ADAM22: variants seen among roughly 807,000 people sequenced by gnomAD.
ADAM22 encodes the protein ADAM metallopeptidase domain 22.
A neutral mutation model predicts 144.6 loss-of-function variants in ADAM22; 65 were observed. The observed-to-expected ratio is 0.45, with a 90% CI of 0.37 to 0.55. The LOEUF (loss-of-function observed/expected upper bound fraction) is 0.55, where lower values mean the gene tolerates loss of function less well. Ranked by LOEUF, ADAM22 falls within the 20% of genes least tolerant of loss-of-function variation. ADAM22 has a pLI of 0.00. For synonymous variants in ADAM22, 391 were observed against 412.6 expected, an observed-to-expected ratio of 0.95 and a Z score of 0.63; for missense variants, 974 against 1,184.9, an observed-to-expected ratio of 0.82 and a Z score of 2.61.
Position 88,178,982 on chromosome 7 carries a change from C to G in ADAM22, c.2348C>G (p.Ser783Cys). 1 of 1,613,128 alleles carries G rather than the reference C, an allele frequency of 6.2e-7. No individual in the cohort carries two copies. Among genetic ancestry groups the G allele is most frequent in the Non-Finnish European group, 8.5e-7 (1 of 1,179,392 alleles). ...DYVKKPGDGD[S>C]FYSDIPPGVS... ...GTAAAAAAGCCTGGAGATGGTGACT[C>G]TTTTTATAGCGACATTCCTCCCGGA... Residue 783 changes from serine to cysteine, a missense_variant, in exon 27 of 32, where the codon TCT (serine) becomes TGT (cysteine). By Grantham distance (112) the Ser-to-Cys change is moderately radical (BLOSUM62 -1). Transcript: ENST00000413139.
At chr7:88,113,717 T>TATATATATATATAA (rs1826888656) in intron 5 of ADAM22, among the ~76,000 whole-genome samples, 1 of 112,592 alleles carries the variant, frequency 8.9e-6, no homozygotes, top group Non-Finnish European at 1.8e-5. Context: ...TATATATATA[T>TATATATATATATAA]ATATATATAT....
intron 3 of ADAM22, among the ~76,000 whole-genome samples, chr7:88,002,938 G>T (rs1792920293): frequency 6.6e-6 from 1 of 152,220 alleles, no homozygotes; most frequent in Non-Finnish European, 1.5e-5. Flanking sequence ...TTTGTGAAGT[G>T]TTAGAACCTT....
At position 88,197,336 on chromosome 7, in the gene ADAM22, G is replaced by C. The variant is rs1201750192; in HGVS notation, c.*845G>C. ...ATCCCTTTAACCTGTGCACAGTCTG[G>C]AGGCAGTTTTATTGAGTGAGTAGTT... is the stretch of plus-strand genomic sequence containing the variant. On this transcript the variant is annotated 3_prime_UTR_variant, in exon 32 of 32. Transcript: ENST00000413139. The C allele has an allele frequency of 2.0e-5, 3 of 152,152 alleles. No homozygotes were observed. Among genetic ancestry groups the C allele is most frequent in the African/African-American group, 7.2e-5 (3 of 41,418 alleles). 9.4% of individuals were successfully genotyped at this position (152,152 alleles called of 1,614,324 possible).
intron 2 of ADAM22, among the ~76,000 whole-genome samples, chr7:87,944,730 A>G (rs1843157303): frequency 6.6e-6 from 1 of 152,102 alleles, no homozygotes; most frequent in African/African-American, 2.4e-5. Context: ...TCAACTAGAA[A>G]GAGCTACCTG....
At chr7:88,072,379 T>C (rs1362993907) in intron 3 of ADAM22, among the ~76,000 whole-genome samples, 1 of 152,098 alleles carries the variant, frequency 6.6e-6, no homozygotes, top group East Asian at 1.9e-4. Context: ...TCAAAAGTAG[T>C]TTTTAGATTT....
chr7:88,038,358 A>G (rs1394416941), intron 3 of ADAM22, among the ~76,000 whole-genome samples: 2 of 152,192 alleles, frequency 1.3e-5, no homozygotes, highest in African/African-American at 2.4e-5. Context: ...ATGAACTACA[A>G]AATCCCTGGA....
At chr7:88,055,360 C>G (rs1807920829) in intron 3 of ADAM22, among the ~76,000 whole-genome samples, 1 of 150,930 alleles carries the variant, frequency 6.6e-6, no homozygotes, top group African/African-American at 2.4e-5. Context: ...AACTAGAACT[C>G]ATCTCAAAAA....
chr7:88,063,096 C>T (rs771542205), intron 3 of ADAM22, among the ~76,000 whole-genome samples: 15 of 152,072 alleles, frequency 9.9e-5, no homozygotes, highest in Non-Finnish European at 1.6e-4. Context: ...TGGAAAATGG[C>T]GCTGATAGAC....
In ADAM22 at chr7:88,079,519, G is replaced by A. The variant is rs374024739; in HGVS notation, c.390+3827G>A. ...CAATACTAACCTTAAATGTAAATGGGCTAAATGCTCCAATTAAAAGGCACA... is the reference window on the plus strand; with the variant it reads ...CAATACTAACCTTAAATGTAAATGGACTAAATGCTCCAATTAAAAGGCACA... On this transcript the variant is annotated intron_variant, in intron 4 of 31. Coordinates refer to ENST00000413139, the MANE Select transcript of ADAM22 (RefSeq NM_001324418.2). Among the ~76,000 whole-genome samples, 6 of 152,248 alleles carry A rather than the reference G, an allele frequency of 3.9e-5. No homozygotes were observed. The East Asian group carries it at 7.7e-4, about 20-fold the overall frequency.
chr7:88,084,689 T>G (rs1817930468), intron 4 of ADAM22, among the ~76,000 whole-genome samples: 1 of 152,208 alleles, frequency 6.6e-6, no homozygotes, highest in Admixed American at 6.5e-5. Context: ...AAATCAAAGT[T>G]GTAACGTTTT....
intron 2 of ADAM22, among the ~76,000 whole-genome samples, chr7:87,950,175 A>G (rs1310046473): frequency 6.6e-6 from 1 of 152,012 alleles, no homozygotes; most frequent in Non-Finnish European, 1.5e-5. Flanking sequence ...TTTAGGGTAC[A>G]TGTGCACAAT....
intron 3 of ADAM22, among the ~76,000 whole-genome samples, chr7:88,045,078 C>T (rs577303128): frequency 1.9e-4 from 29 of 151,584 alleles, no homozygotes; most frequent in African/African-American, 6.8e-4. Context: ...AGTACAATGG[C>T]GTGATCTCAG....
chr7:88,107,899 G>A (rs1824869649), intron 4 of ADAM22, among the ~76,000 whole-genome samples: 1 of 151,996 alleles, frequency 6.6e-6, no homozygotes, highest in Non-Finnish European at 1.5e-5. Flanking sequence ...CTCCCCATGT[G>A]TATTTCAATA....
At chr7:87,978,196 TTAATA>T (rs1852370705) in intron 2 of ADAM22, 135 bp from the exon 3 acceptor site, 1 of 684,864 alleles carries the variant, frequency 1.5e-6, no homozygotes, top group Non-Finnish European at 2.4e-6. Flanking sequence ...AAATTTTACT[TTAATA>T]TGTTTTCACT....
intron 2 of ADAM22, among the ~76,000 whole-genome samples, chr7:87,968,841 G>A (rs547545877): frequency 7.0e-4 from 107 of 152,316 alleles, no homozygotes; most frequent in African/African-American, 2.5e-3. Flanking sequence ...GGTTCTGCAG[G>A]CTGTACAGGC....
intron 3 of ADAM22, among the ~76,000 whole-genome samples, chr7:88,037,122 T>C (rs1336633395): frequency 6.6e-6 from 1 of 152,094 alleles, no homozygotes; most frequent in Non-Finnish European, 1.5e-5. Context: ...ATTATGAACA[T>C]ATTTGCGCAG....
At chr7:88,185,986 C>G (rs1485216588) in intron 29 of ADAM22, 1 of 152,374 alleles carries the variant, frequency 6.6e-6, no homozygotes, top group South Asian at 2.1e-4. Flanking sequence ...ATCATGGAGG[C>G]CTATTTAGAC....
chr7:88,144,185 T>C (rs1835644824), intron 15 of ADAM22, among the ~76,000 whole-genome samples: 1 of 152,156 alleles, frequency 6.6e-6, no homozygotes, highest in African/African-American at 2.4e-5. Context: ...TTTCCTCTAA[T>C]TAGTTATGAA....
At chr7:87,990,878 G>C (rs1487317974) in intron 3 of ADAM22, among the ~76,000 whole-genome samples, 1 of 152,056 alleles carries the variant, frequency 6.6e-6, no homozygotes, top group East Asian at 1.9e-4. Context: ...TTGTCAGGCT[G>C]GTCTCAAAAT....
Sources: gnomAD v4.1 joint callset for allele counts (sites outside exome capture counted in the v4.1 genomes callset) on GRCh38, gnomAD v4.1.1 for gene constraint, MANE v1.5 for transcripts, NCBI Gene and HGNC (gene_info 2026-07-23, HGNC 2026-07-21) for gene names.